GALNT13: variants seen among roughly 807,000 people sequenced by gnomAD.
The protein encoded by GALNT13 is UDP-GalNAc:polypeptide N-acetylgalactosaminyltransferase 13.
A neutral mutation model predicts 64.2 loss-of-function variants in GALNT13; 28 were observed. That is an observed-to-expected ratio of 0.44 (90% confidence interval 0.32 to 0.60). GALNT13 has a LOEUF of 0.60. GALNT13 is among the 20% of genes least tolerant of loss of function. The pLI, the probability that GALNT13 is intolerant of heterozygous loss-of-function variation, is 0.05. For missense variants in GALNT13, 577 were observed against 669.8 expected, an observed-to-expected ratio of 0.86 and a Z score of 1.53; for synonymous variants, 214 against 224.6, an observed-to-expected ratio of 0.95 and a Z score of 0.42.
chr2:153,499,559 C>A, the GALNT13 span, among the ~76,000 whole-genome samples: 26 of 152,194 alleles, frequency 1.7e-4, no homozygotes, highest in Non-Finnish European at 3.4e-4. Context: ...TCATGTCGTC[C>A]ATGATGCCCA....
chr2:154,205,101 T>G (rs995159513), intron 4 of GALNT13, among the ~76,000 whole-genome samples: 2 of 152,158 alleles, frequency 1.3e-5, no homozygotes, highest in South Asian at 4.1e-4. Flanking sequence ...TAGGATCCTT[T>G]CCCATTCATC....
At chr2:154,347,789 G>A (rs1441491754) in intron 9 of GALNT13, among the ~76,000 whole-genome samples, 1 of 152,146 alleles carries the variant, frequency 6.6e-6, no homozygotes, top group South Asian at 2.1e-4. Flanking sequence ...GAAGTAGTTA[G>A]TATTCTTATT....
chr2:153,103,082 A>G, the GALNT13 span, among the ~76,000 whole-genome samples: 1 of 152,240 alleles, frequency 6.6e-6, no homozygotes, highest in Non-Finnish European at 1.5e-5. Flanking sequence ...TCAAAGGCCA[A>G]CTGGACTGAT....
chr2:153,918,446 A>G (rs1048543585), intron 2 of GALNT13, among the ~76,000 whole-genome samples: 1 of 152,084 alleles, frequency 6.6e-6, no homozygotes, highest in African/African-American at 2.4e-5. Context: ...TTTCATTTTC[A>G]TAGCCAACCT....
At chr2:153,473,176 TAAAAG>T in the GALNT13 span, among the ~76,000 whole-genome samples, 2 of 151,918 alleles carry the variant, frequency 1.3e-5, no homozygotes, top group East Asian at 3.9e-4. Context: ...CCCCAAAACT[TAAAAG>T]TATAATAACA....
At chr2:153,763,585 C>T in the GALNT13 span, among the ~76,000 whole-genome samples, 1,078 of 152,254 alleles carry the variant, frequency 7.1e-3, 15 homozygotes, top group African/African-American at 0.025. Context: ...TGTGAGGCCT[C>T]CCCAGCCATG....
At chr2:153,157,997 A>C in the GALNT13 span, among the ~76,000 whole-genome samples, 21 of 152,168 alleles carry the variant, frequency 1.4e-4, no homozygotes, top group Admixed American at 5.2e-4. Context: ...GAAAGTATTG[A>C]GAAAAAAAAA....
chr2:154,115,564 G>A (rs896575333), intron 3 of GALNT13, among the ~76,000 whole-genome samples: 8 of 151,944 alleles, frequency 5.3e-5, no homozygotes, highest in African/African-American at 1.7e-4. Flanking sequence ...GGGATTACAG[G>A]CACCCACCAT....
chr2:153,718,024 A>G, the GALNT13 span, among the ~76,000 whole-genome samples: 4 of 152,150 alleles, frequency 2.6e-5, no homozygotes, highest in Non-Finnish European at 4.4e-5. Flanking sequence ...TTGCTCTGGA[A>G]TCATTTGAAA....
At chr2:153,273,719 TC>T in the GALNT13 span, among the ~76,000 whole-genome samples, 1 of 152,226 alleles carries the variant, frequency 6.6e-6, no homozygotes, top group Non-Finnish European at 1.5e-5. Flanking sequence ...CTGCTGATTT[TC>T]AGTGAGTGTC....
At chr2:154,399,160 A>G (rs799740) in intron 10 of GALNT13, among the ~76,000 whole-genome samples, 52,247 of 151,964 alleles carry the variant, frequency 0.34, 9,429 homozygotes, top group African/African-American at 0.45. Context: ...GCAGGTGCCC[A>G]TGGTCACAGC....
chr2:154,065,710 T>C (rs1400309657), intron 3 of GALNT13, among the ~76,000 whole-genome samples: 1 of 152,152 alleles, frequency 6.6e-6, no homozygotes, highest in Non-Finnish European at 1.5e-5. Flanking sequence ...ACTTAGATCA[T>C]AACACACAAG....
the GALNT13 span, among the ~76,000 whole-genome samples, chr2:153,473,021 C>A: frequency 4.6e-5 from 7 of 152,082 alleles, no homozygotes; most frequent in Admixed American, 4.6e-4. Flanking sequence ...ACATCACACA[C>A]CAGGGCTTGT....
At chr2:153,378,399 T>C in the GALNT13 span, among the ~76,000 whole-genome samples, 2 of 152,140 alleles carry the variant, frequency 1.3e-5, no homozygotes, top group Non-Finnish European at 2.9e-5. Flanking sequence ...ATTTGGAACA[T>C]ACAGTTTGTG....
At chr2:153,884,805 A>ATATATGTGTG (rs1687036368) in intron 1 of GALNT13, among the ~76,000 whole-genome samples, 2 of 133,636 alleles carry the variant, frequency 1.5e-5, no homozygotes. Context: ...ATATATATAT[A>ATATATGTGTG]TGTGTGTGTG....
the GALNT13 span, among the ~76,000 whole-genome samples, chr2:153,827,099 A>G: frequency 6.6e-6 from 1 of 152,166 alleles, no homozygotes; most frequent in South Asian, 2.1e-4. Flanking sequence ...TAGAGGCCTT[A>G]CAATCATGGC....
At chr2:153,478,913 G>A in the GALNT13 span, 4 of 284,610 alleles carry the variant, frequency 1.4e-5, no homozygotes, top group South Asian at 1.5e-4. Flanking sequence ...AGCAAACAGC[G>A]GCCCCTTCCG....
intron 2 of GALNT13, among the ~76,000 whole-genome samples, chr2:153,914,171 C>G (rs934189270): frequency 5.9e-5 from 9 of 152,110 alleles, no homozygotes; most frequent in Non-Finnish European, 8.8e-5. Flanking sequence ...ATGTCCAGAA[C>G]AATGCTGAAT....
the GALNT13 span, among the ~76,000 whole-genome samples, chr2:153,193,077 C>T: frequency 6.6e-6 from 1 of 151,900 alleles, no homozygotes; most frequent in Non-Finnish European, 1.5e-5. Context: ...TTTATTATTG[C>T]TTATCTTTAT....
Sources: allele counts gnomAD v4.1 joint callset (sites outside exome capture counted in the v4.1 genomes callset), GRCh38; gene constraint gnomAD v4.1.1; transcripts MANE v1.5; gene names NCBI Gene and HGNC (gene_info 2026-07-23, HGNC 2026-07-21).